The following RUVBL1 variants were observed in gnomAD, a reference collection of about 807,000 sequenced individuals.
The protein encoded by RUVBL1 is RuvB like AAA ATPase 1.
In RUVBL1, 4 loss-of-function variants were observed where a neutral mutation model predicts 52.4. The ratio of observed to expected loss-of-function variants is 0.08; its 90% CI spans 0.04 to 0.17. RUVBL1 has a LOEUF of 0.17. Ranked by LOEUF, RUVBL1 falls within the 10% of genes least tolerant of loss-of-function variation. The pLI, the probability that RUVBL1 is intolerant of heterozygous loss-of-function variation, is 1.00. For missense variants in RUVBL1, 298 were observed against 572.8 expected, an observed-to-expected ratio of 0.52 and a Z score of 4.90; for synonymous variants, 217 against 214.4, an observed-to-expected ratio of 1.01 and a Z score of -0.10.
chr3:128,096,492 G>A (rs1364367476), intron 8 of RUVBL1, among the ~76,000 whole-genome samples: 1 of 152,194 alleles, frequency 6.6e-6, no homozygotes, highest in Non-Finnish European at 1.5e-5. Flanking sequence ...GGAGCGGGAG[G>A]ATGGAAAGAC....
chr3:128,066,814 C>T, intron 9 of RUVBL1: 1 of 731,968 alleles, frequency 1.4e-6, no homozygotes. Flanking sequence ...GGCACAAGCT[C>T]TCGGAACTGG....
At chr3:128,123,288 G>C (rs1249102734) in intron 1 of RUVBL1, among the ~76,000 whole-genome samples, 1 of 152,144 alleles carries the variant, frequency 6.6e-6, no homozygotes, top group East Asian at 1.9e-4. Flanking sequence ...GTCGCGAATA[G>C]AGCCTGGTAC....
At chr3:128,106,619 T>G (rs1300174720) in intron 3 of RUVBL1, among the ~76,000 whole-genome samples, 1 of 152,090 alleles carries the variant, frequency 6.6e-6, no homozygotes, top group South Asian at 2.1e-4. Context: ...GCACAGCACA[T>G]AGGCAGGTAG....
At chr3:128,080,491 C>T (rs898298450), downstream of RUVBL1, among the ~76,000 whole-genome samples, 5 of 152,318 alleles carry the variant, frequency 3.3e-5, no homozygotes, top group African/African-American at 7.2e-5. Flanking sequence ...TCACCATCAA[C>T]GATGAGTCAT....
chr3:128,070,928 A>G (rs1016288181), intron 9 of RUVBL1: 3 of 152,294 alleles, frequency 2.0e-5, no homozygotes, highest in African/African-American at 7.2e-5. Context: ...TTGGGTGCTA[A>G]GATCCTGAGG....
At chr3:128,130,616 TTTATTTATTTATGTATTTATTTA>T (rs1943862152) in intron 1 of RUVBL1, among the ~76,000 whole-genome samples, 2 of 39,774 alleles carry the variant, frequency 5.0e-5, no homozygotes, top group African/African-American at 2.7e-4. Flanking sequence ...AAAAAAAAAT[TTTATTTATTTATGTATTTATTTA>T]TTTATTTATT....
chr3:128,102,662 G>T (rs1041356518), intron 4 of RUVBL1, among the ~76,000 whole-genome samples: 5 of 152,244 alleles, frequency 3.3e-5, no homozygotes, highest in African/African-American at 9.6e-5. Flanking sequence ...TAGATTAGTA[G>T]TTGCCGAGGG....
chr3:128,101,440 C>T (rs1943106010), intron 5 of RUVBL1, 119 bp downstream of exon 5: 2 of 870,472 alleles, frequency 2.3e-6, no homozygotes, highest in Admixed American at 4.2e-5. Flanking sequence ...AGCCTCATAA[C>T]AGACACCAGC....
chr3:128,115,789 C>T (rs551129079), intron 2 of RUVBL1, among the ~76,000 whole-genome samples: 1 of 152,206 alleles, frequency 6.6e-6, no homozygotes, highest in Non-Finnish European at 1.5e-5. Context: ...ACTGTAGATA[C>T]AGGAAAGCTC....
intron 4 of RUVBL1, among the ~76,000 whole-genome samples, chr3:128,103,117 A>T (rs574704388): frequency 6.6e-6 from 1 of 152,354 alleles, no homozygotes; most frequent in Non-Finnish European, 1.5e-5. Context: ...AAAATACCTA[A>T]AAGTATTCAT....
Position 128,100,585 on chromosome 3 carries a change from G to T in RUVBL1, c.753+10C>A. The T allele has an allele frequency of 6.3e-7, 1 of 1,586,656 alleles. No homozygotes were observed. The highest frequency in any genetic ancestry group is 8.6e-7 in the Non-Finnish European group (1 of 1,168,130). ...TAATGTGCCAGATCACCCAGGCATC[G>T]AGGCAGTACCTGGGGCCGCGCATTA... On this transcript the variant is annotated intron_variant, in intron 6 of 10. Coordinates refer to ENST00000322623, the MANE Select transcript of RUVBL1 (RefSeq NM_003707.3).
chr3:128,099,112 A>G (rs11720239), intron 6 of RUVBL1, among the ~76,000 whole-genome samples, 167 bp from the exon 7 acceptor site: 21,545 of 152,200 alleles, frequency 0.14, 1,731 homozygotes, highest in African/African-American at 0.21. Context: ...AGGTTCCCCT[A>G]ACCTGTAAGA....
chr3:128,110,902 T>C (rs1321139366), intron 3 of RUVBL1, among the ~76,000 whole-genome samples: 1 of 151,982 alleles, frequency 6.6e-6, no homozygotes, highest in Non-Finnish European at 1.5e-5. Flanking sequence ...AAGACTTCTG[T>C]TTTCATATTT....
At chr3:128,109,859 A>G (rs1943338155) in intron 3 of RUVBL1, among the ~76,000 whole-genome samples, 2 of 116,416 alleles carry the variant, frequency 1.7e-5, no homozygotes, top group South Asian at 5.4e-4. Flanking sequence ...TCTGTTACCC[A>G]GGCTGAAGTG....
chr3:128,113,853 A>G (rs1053744409), intron 2 of RUVBL1, among the ~76,000 whole-genome samples: 6 of 152,210 alleles, frequency 3.9e-5, no homozygotes, highest in African/African-American at 1.4e-4. Context: ...TTTTACAAAT[A>G]CAGGAAAACA....
At chr3:128,122,949 G>C (rs1943685831) in intron 1 of RUVBL1, among the ~76,000 whole-genome samples, 1 of 152,176 alleles carries the variant, frequency 6.6e-6, no homozygotes, top group African/African-American at 2.4e-5. Flanking sequence ...AGAAAAAGGA[G>C]ATTTAATTGG....
intron 1 of RUVBL1, among the ~76,000 whole-genome samples, chr3:128,121,437 G>A (rs1943645377): frequency 6.6e-6 from 1 of 151,284 alleles, no homozygotes; most frequent in African/African-American, 2.4e-5. Context: ...CTAGCCAGGC[G>A]CGTTGGCTCA....
intron 9 of RUVBL1, among the ~76,000 whole-genome samples, chr3:128,073,210 G>A (rs1942219708): frequency 6.6e-6 from 1 of 152,162 alleles, no homozygotes; most frequent in Non-Finnish European, 1.5e-5. Context: ...AGGAGTCTAG[G>A]GAAACAGGCC....
At chr3:128,148,458 A>T (rs1286048585) in intron 1 of RUVBL1, among the ~76,000 whole-genome samples, 1 of 152,190 alleles carries the variant, frequency 6.6e-6, no homozygotes, top group Non-Finnish European at 1.5e-5. Context: ...AGTGGAGGGT[A>T]AAACCAGAAA....
Sources: allele counts gnomAD v4.1 joint callset (sites outside exome capture counted in the v4.1 genomes callset), GRCh38; gene constraint gnomAD v4.1.1; transcripts MANE v1.5; gene names NCBI Gene and HGNC (gene_info 2026-07-23, HGNC 2026-07-21).